The following TBC1D21 variants were observed in gnomAD, a reference collection of about 807,000 sequenced individuals.
TBC1D21 encodes the protein TBC1 domain family member 21.
Under a neutral mutation model 46.0 loss-of-function variants are expected in TBC1D21, and 38 were observed. The ratio of observed to expected loss-of-function variants is 0.83; its 90% CI spans 0.64 to 1.08. The LOEUF (loss-of-function observed/expected upper bound fraction) is 1.08, where lower values mean the gene tolerates loss of function less well. Among genes scored for constraint, TBC1D21 ranks in the 50% least tolerant of loss-of-function variants. TBC1D21 has a pLI of 0.00. For missense variants in TBC1D21, 415 were observed against 417.9 expected (o/e 0.99, Z 0.06); for synonymous variants, 151 against 157.2 (o/e 0.96, Z 0.29).
intron 1 of TBC1D21, among the ~76,000 whole-genome samples, chr15:73,878,863 C>A (rs2068106338): frequency 6.6e-6 from 1 of 152,188 alleles, no homozygotes; most frequent in Non-Finnish European, 1.5e-5. Context: ...CCTTCTGCTT[C>A]CTGCCACATT....
In TBC1D21 at chr15:73,887,631, G is replaced by A. The variant is rs371168355; in HGVS notation, c.789G>A (p.Thr263=). The A allele has an allele frequency of 2.2e-5, 35 of 1,613,768 alleles. No individual in the cohort carries two copies. Among genetic ancestry groups the A allele is most frequent in the Middle Eastern group, 1.6e-4 (1 of 6,084 alleles). ...GTCCTGACCCACAGGTTCTGCTGAC[G>A]GGGAAGCCCTGCAGGAACTTCCAGG... ...DVWRLWEVLL[T]GKPCRNFQVL... Residue 263 remains threonine, a synonymous_variant, in exon 9 of 11, where the codon ACG becomes ACA. Transcript: ENST00000300504.
At position 73,886,080 on chromosome 15, in the gene TBC1D21, A is replaced by T. The variant is rs142399940; in HGVS notation, c.582A>T (p.Glu194Asp). ...CTGTCTCCCACCATCGTGTGCAGGA[A>T]CACAGCTGTGTCATCAACATTGGCG... ...WLFQFFLQKT[E>D]HSCVINIGVA... Residue 194 changes from glutamate (E) to aspartate (D), a missense_variant and splice_region_variant, in exon 7 of 11, where the codon GAA (glutamate) becomes GAT (aspartate). Glu to Asp is a conservative substitution (Grantham distance 45). Transcript: ENST00000300504. 71 of 1,613,862 alleles carry T rather than the reference A, an allele frequency of 4.4e-5. No homozygotes were observed. Among genetic ancestry groups the T allele is most frequent in the Admixed American group, 8.3e-5 (5 of 60,000 alleles).
At chr15:73,897,437 T>G in the TBC1D21 span, among the ~76,000 whole-genome samples, 1 of 152,228 alleles carries the variant, frequency 6.6e-6, no homozygotes, top group Non-Finnish European at 1.5e-5. Flanking sequence ...TAACAGTTAC[T>G]CTGTAACCCA....
chr15:73,908,809 A>T, the TBC1D21 span, among the ~76,000 whole-genome samples: 38 of 152,180 alleles, frequency 2.5e-4, no homozygotes, highest in Non-Finnish European at 4.7e-4. Flanking sequence ...TCTGGCTGTG[A>T]TGCCTTGTAA....
chr15:73,881,837 A>G (rs1567065485), intron 3 of TBC1D21, 90 bp downstream of exon 3: 8 of 1,179,540 alleles, frequency 6.8e-6, no homozygotes, highest in South Asian at 2.5e-5. Context: ...TTCTGCCCCC[A>G]TGCAACTTCT....
chr15:73,904,188 T>G, the TBC1D21 span, among the ~76,000 whole-genome samples: 1 of 152,304 alleles, frequency 6.6e-6, no homozygotes, highest in Non-Finnish European at 1.5e-5. Context: ...CATCCTAAGG[T>G]GAGCACTTCT....
At chr15:73,881,572 G>A in intron 2 of TBC1D21, 66 bp downstream of exon 2, 2 of 1,601,158 alleles carry the variant, frequency 1.2e-6, no homozygotes, top group Non-Finnish European at 1.7e-6. Flanking sequence ...GGGGGCAGGT[G>A]TGGCGTTGGA....
downstream of TBC1D21, among the ~76,000 whole-genome samples, chr15:73,890,930 C>T (rs1389639875): frequency 6.6e-6 from 1 of 152,148 alleles, no homozygotes; most frequent in Non-Finnish European, 1.5e-5. Flanking sequence ...CAAGGAGCCT[C>T]TTGTCTACTA....
chr15:73,897,295 A>G, the TBC1D21 span, among the ~76,000 whole-genome samples: 1 of 152,198 alleles, frequency 6.6e-6, no homozygotes, highest in South Asian at 2.1e-4. Context: ...TTTCTCACCT[A>G]GAAATTAGAA....
chr15:73,895,033 G>T, the TBC1D21 span, among the ~76,000 whole-genome samples: 2 of 152,162 alleles, frequency 1.3e-5, no homozygotes, highest in Non-Finnish European at 2.9e-5. Flanking sequence ...TTTAGTCTGG[G>T]TGCACATTAG....
chr15:73,909,707 T>C, the TBC1D21 span: 3 of 152,146 alleles, frequency 2.0e-5, no homozygotes, highest in East Asian at 5.8e-4. Flanking sequence ...GCCCCTCTTC[T>C]GGTGTTTTCA....
chr15:73,905,791 G>C, the TBC1D21 span, among the ~76,000 whole-genome samples: 4 of 152,232 alleles, frequency 2.6e-5, no homozygotes, highest in African/African-American at 9.6e-5. Flanking sequence ...CCAGCTGGGA[G>C]CCTCCCTAAA....
Position 73,884,322 on chromosome 15 carries a change from A to G in TBC1D21, c.367+77A>G. ...CCCTGCCCCCTTCTCAGCCACTTCC[A>G]GGGAGGGATGGCTCCAGGATCCTGG... On this transcript the variant is annotated intron_variant, in intron 4 of 10. Coordinates refer to ENST00000300504, the MANE Select transcript of TBC1D21 (RefSeq NM_153356.3). 3 of 1,318,284 alleles carry G rather than the reference A, an allele frequency of 2.3e-6. No individual in the cohort carries two copies. The East Asian group carries it at 6.9e-5, about 30-fold the overall frequency. The allele number at this position is 1,318,284 out of a possible 1,614,324, so 81.7% of individuals were successfully genotyped here. A position where few individuals can be genotyped will look rare whatever the true frequency, so the allele number is the denominator to read the frequency against.
chr15:73,877,514 TAAAAAAAAAAAAAAAAAAA>T (rs541803630), intron 1 of TBC1D21, among the ~76,000 whole-genome samples: 6 of 72,696 alleles, frequency 8.3e-5, no homozygotes, highest in African/African-American at 3.2e-4. Context: ...TCCAGAAAAC[TAAAAAAAAAAAAAAAAAAA>T]AAAAAAAAAA....
chr15:73,889,283 G>A (rs557787710), downstream of TBC1D21: 720 of 672,864 alleles, frequency 1.1e-3, 1 homozygote, highest in Non-Finnish European at 1.6e-3. Flanking sequence ...AGACAGGGTC[G>A]TACGATAGGA....
chr15:73,884,065 C>CT, intron 3 of TBC1D21, 86 bp from the exon 4 acceptor site: 1 of 1,129,840 alleles, frequency 8.9e-7, no homozygotes. Flanking sequence ...CTGGATCTGC[C>CT]TGGGGCCTGG....
chr15:73,877,431 C>T (rs536456454), intron 1 of TBC1D21, among the ~76,000 whole-genome samples: 10 of 146,958 alleles, frequency 6.8e-5, no homozygotes, highest in African/African-American at 2.5e-4. Context: ...ACAAAGAAAA[C>T]TTTAGCCCAG....
the TBC1D21 span, among the ~76,000 whole-genome samples, chr15:73,899,142 G>C: frequency 5.9e-5 from 9 of 152,026 alleles, no homozygotes; most frequent in Admixed American, 2.0e-4. Context: ...CATCTTTACA[G>C]GCAGGTGAGT....
intron 4 of TBC1D21, 145 bp from the exon 5 acceptor site, chr15:73,884,636 C>T (rs1465797985): frequency 4.7e-6 from 3 of 636,946 alleles, no homozygotes; most frequent in Non-Finnish European, 8.3e-6. Flanking sequence ...GGAACTGAGC[C>T]TGGCAGGGGC....
Sources: gnomAD v4.1 joint callset for allele counts (sites outside exome capture counted in the v4.1 genomes callset) on GRCh38, gnomAD v4.1.1 for gene constraint, MANE v1.5 for transcripts, NCBI Gene and HGNC (gene_info 2026-07-23, HGNC 2026-07-21) for gene names.